Variants in DSCAM observed in about 807,000 individuals in gnomAD.
DSCAM encodes cell adhesion molecule DSCAM.
Under a neutral mutation model 217.7 loss-of-function variants are expected in DSCAM, and 47 were observed. That is an observed-to-expected ratio of 0.22 (90% CI 0.17 to 0.28). DSCAM has a LOEUF of 0.28. Among genes scored for constraint, DSCAM ranks in the 10% least tolerant of loss-of-function variants. The probability of loss-of-function intolerance (pLI) is 1.00; values close to 1 mark genes in which losing one functional copy is unlikely to be tolerated. For missense variants in DSCAM, 2,080 were observed against 2,618.3 expected, an observed-to-expected ratio of 0.79 and a Z score of 4.49; for synonymous variants, 1,056 against 1,015.3, an observed-to-expected ratio of 1.04 and a Z score of -0.76.
At chr21:40,662,107 A>G (rs902550871) in intron 3 of DSCAM, among the ~76,000 whole-genome samples, 1 of 134,122 alleles carries the variant, frequency 7.5e-6, no homozygotes, top group Non-Finnish European at 1.6e-5. Context: ...CTGAGGAATA[A>G]GCACATTACG....
At chr21:40,696,243 G>C (rs553218917) in intron 2 of DSCAM, among the ~76,000 whole-genome samples, 8 of 152,220 alleles carry the variant, frequency 5.3e-5, no homozygotes, top group Admixed American at 3.3e-4. Flanking sequence ...ACCCCAGCTC[G>C]CTCAGAGAGA....
chr21:40,833,414 C>T (rs2092028302), intron 1 of DSCAM, among the ~76,000 whole-genome samples: 1 of 152,186 alleles, frequency 6.6e-6, no homozygotes, highest in African/African-American at 2.4e-5. Context: ...CCGCCAGCCG[C>T]AGAAAAGGGT....
At chr21:40,807,461 C>T (rs1324054200) in intron 1 of DSCAM, among the ~76,000 whole-genome samples, 2 of 146,802 alleles carry the variant, frequency 1.4e-5, no homozygotes, top group Middle Eastern at 3.4e-3. Context: ...GGAGGTGGGG[C>T]GGGATGGGGG....
At chr21:40,162,415 C>T (rs9984623) in intron 16 of DSCAM, among the ~76,000 whole-genome samples, 40,228 of 152,170 alleles carry the variant, frequency 0.26, 5,393 homozygotes, top group Admixed American at 0.28. Flanking sequence ...GTACCTTGCA[C>T]TTCCCTGGGG....
At chr21:40,181,611 C>A (rs1199739441) in intron 14 of DSCAM, among the ~76,000 whole-genome samples, 2 of 151,874 alleles carry the variant, frequency 1.3e-5, no homozygotes, top group African/African-American at 4.8e-5. Context: ...GGTCATTTTT[C>A]TGTAATGCAT....
At chr21:40,827,821 C>T (rs1437010255) in intron 1 of DSCAM, among the ~76,000 whole-genome samples, 1 of 152,200 alleles carries the variant, frequency 6.6e-6, no homozygotes, top group African/African-American at 2.4e-5. Flanking sequence ...GCATGAGCAA[C>T]AAGCTGTGTT....
At chr21:40,105,048 G>A (rs2089800992) in intron 20 of DSCAM, among the ~76,000 whole-genome samples, 1 of 152,160 alleles carries the variant, frequency 6.6e-6, no homozygotes, top group Non-Finnish European at 1.5e-5. Flanking sequence ...ATGAGACTGA[G>A]CTTCAAAAGA....
At chr21:40,120,792 A>C (rs1322096759) in intron 20 of DSCAM, among the ~76,000 whole-genome samples, 1 of 152,238 alleles carries the variant, frequency 6.6e-6, no homozygotes, top group African/African-American at 2.4e-5. Flanking sequence ...ATCTGGCCAC[A>C]TGCAAGTTTC....
chr21:40,050,923 C>T (rs1374673775), intron 30 of DSCAM, among the ~76,000 whole-genome samples: 1 of 152,168 alleles, frequency 6.6e-6, no homozygotes, highest in Non-Finnish European at 1.5e-5. Flanking sequence ...TAAAAGACTT[C>T]TTTAGAATGT....
intron 3 of DSCAM, among the ~76,000 whole-genome samples, chr21:40,455,853 AATAG>A (rs1456607162): frequency 1.1e-4 from 17 of 152,108 alleles, no homozygotes; most frequent in Admixed American, 5.2e-4. Flanking sequence ...ATAGATGATA[AATAG>A]ATAGATAGGA....
intron 3 of DSCAM, among the ~76,000 whole-genome samples, chr21:40,396,378 G>T (rs757193833): frequency 8.5e-5 from 13 of 152,264 alleles, no homozygotes; most frequent in Non-Finnish European, 1.8e-4. Context: ...AGTTAGATTG[G>T]ATTTAGGGCT....
At chr21:40,245,379 A>G (rs1430873831) in intron 11 of DSCAM, among the ~76,000 whole-genome samples, 1 of 152,146 alleles carries the variant, frequency 6.6e-6, no homozygotes, top group Non-Finnish European at 1.5e-5. Flanking sequence ...TCATGTTTTC[A>G]GGATTTACCC....
At chr21:40,318,146 G>A (rs1383227905) in intron 8 of DSCAM, among the ~76,000 whole-genome samples, 7 of 144,878 alleles carry the variant, frequency 4.8e-5, no homozygotes, top group Admixed American at 4.3e-4. Flanking sequence ...GAGAACACAT[G>A]GACACAGCAA....
At chr21:40,042,784 T>C in intron 31 of DSCAM, 111 bp from the exon 32 acceptor site, 1 of 1,054,492 alleles carries the variant, frequency 9.5e-7, no homozygotes, top group Non-Finnish European at 1.3e-6. Context: ...TGGTGGGACC[T>C]GGTAGGAGTT....
intron 8 of DSCAM, among the ~76,000 whole-genome samples, chr21:40,317,316 A>G (rs2074208268): frequency 6.6e-6 from 1 of 152,232 alleles, no homozygotes; most frequent in African/African-American, 2.4e-5. Flanking sequence ...CACAATGTAC[A>G]TACAACACAA....
intron 3 of DSCAM, among the ~76,000 whole-genome samples, chr21:40,659,338 T>G (rs542295468): frequency 6.6e-6 from 1 of 151,040 alleles, no homozygotes; most frequent in African/African-American, 2.4e-5. Flanking sequence ...TCACACCTGT[T>G]TGGTGATCAG....
intron 27 of DSCAM, among the ~76,000 whole-genome samples, chr21:40,072,541 G>T (rs1381229519): frequency 3.3e-5 from 5 of 151,758 alleles, no homozygotes; most frequent in East Asian, 1.9e-4. Context: ...GTAGAGACGG[G>T]GTTTCACCAT....
At chr21:40,651,568 A>C (rs2090014490) in intron 3 of DSCAM, among the ~76,000 whole-genome samples, 1 of 152,060 alleles carries the variant, frequency 6.6e-6, no homozygotes, top group South Asian at 2.1e-4. Context: ...AAAGCAACTC[A>C]CTTGCTTTTC....
intron 3 of DSCAM, among the ~76,000 whole-genome samples, chr21:40,422,917 C>A (rs1256802201): frequency 6.6e-6 from 1 of 152,148 alleles, no homozygotes; most frequent in Non-Finnish European, 1.5e-5. Flanking sequence ...CTAATAAGGT[C>A]TTTTACTAAG....
Sources: allele counts gnomAD v4.1 joint callset (sites outside exome capture counted in the v4.1 genomes callset), GRCh38; gene constraint gnomAD v4.1.1; transcripts MANE v1.5; gene names NCBI Gene and HGNC (gene_info 2026-07-23, HGNC 2026-07-21).